Variants in RAP1GAP observed in about 807,000 individuals in gnomAD.
RAP1GAP encodes the protein rap1 GTPase-activating protein 1.
RAP1GAP carries 35 observed loss-of-function variants against 87.2 expected under a neutral mutation model. That is an observed-to-expected ratio of 0.40 (90% CI 0.31 to 0.53). RAP1GAP has a LOEUF of 0.53. Among genes scored for constraint, RAP1GAP ranks in the 20% least tolerant of loss-of-function variants. RAP1GAP has a pLI of 0.48. For missense variants in RAP1GAP, 734 were observed against 898.9 expected, an observed-to-expected ratio of 0.82 and a Z score of 2.35; for synonymous variants, 375 against 363.9, an observed-to-expected ratio of 1.03 and a Z score of -0.35.
chr1:21,644,919 A>AAG (rs1553483995), intron 2 of RAP1GAP, among the ~76,000 whole-genome samples: 8 of 144,330 alleles, frequency 5.5e-5, no homozygotes, highest in African/African-American at 1.8e-4. Context: ...AAAAAAAAAA[A>AAG]AGAGAAAAGA....
Position 21,613,369 on chromosome 1 carries a change from GT to G in RAP1GAP, c.475-141del. The G allele has an allele frequency of 1.2e-6, 1 of 840,324 alleles. No individual in the cohort carries two copies. Among genetic ancestry groups the G allele is most frequent in the Non-Finnish European group, 2.0e-6 (1 of 503,390 alleles). The allele number at this position is 840,324 out of a possible 1,614,324, so 52.1% of individuals were successfully genotyped here. A position where few individuals can be genotyped will look rare whatever the true frequency, so the allele number is the denominator to read the frequency against. On this transcript the variant is annotated intron_variant, in intron 9 of 24. Transcript: ENST00000374765. This position sits in a 1 kb window ranked among gnomAD's most constrained non-coding sequence, Gnocchi z 4.7. ...GCTAAAGCAGGACTCGGGGTTCACT[GT>G]TGCTCAGGGAACGGAGGTCCCCTGA...
intron 1 of RAP1GAP, among the ~76,000 whole-genome samples, chr1:21,665,888 G>A (rs775615356): frequency 5.9e-5 from 9 of 152,192 alleles, no homozygotes; most frequent in South Asian, 2.1e-4. Context: ...GGCCCACACT[G>A]CCACCAGAGC....
Position 21,651,710 on chromosome 1 carries a change from G to A in RAP1GAP, c.-148-1914C>T, listed in dbSNP as rs1356684855. On this transcript the variant is annotated intron_variant, in intron 1 of 24. Transcript: ENST00000374765. Reference sequence around the variant, plus strand: ...GCCCAAACGCGAGCACACCCCGCACGGGCTCCCCCCCACGCGTGCACACGC... The same window carrying A: ...GCCCAAACGCGAGCACACCCCGCACAGGCTCCCCCCCACGCGTGCACACGC... 3 of 970,232 alleles carry A rather than the reference G, an allele frequency of 3.1e-6. No homozygotes were observed. The African/African-American group carries it at 5.1e-5, about 16-fold the overall frequency. The allele number at this position is 970,232 out of a possible 1,614,324, so 60.1% of individuals were successfully genotyped here.
intron 1 of RAP1GAP, among the ~76,000 whole-genome samples, chr1:21,658,451 TC>T (rs1401293130): frequency 2.0e-5 from 3 of 152,040 alleles, no homozygotes; most frequent in Admixed American, 6.6e-5. Context: ...GCCTGTAGTC[TC>T]AGCTACTCAG....
At chr1:21,618,045 TGGCCAGCCTCAG>T (rs2083470316) in intron 5 of RAP1GAP, 73 bp from the exon 6 acceptor site, 13 of 1,584,198 alleles carry the variant, frequency 8.2e-6, no homozygotes, top group Admixed American at 3.3e-5. Context: ...GGCCTCTGCT[TGGCCAGCCTCAG>T]GGCTGAGAGT....
At chr1:21,666,528 G>C (rs2097355013) in intron 1 of RAP1GAP, among the ~76,000 whole-genome samples, 1 of 152,152 alleles carries the variant, frequency 6.6e-6, no homozygotes, top group Non-Finnish European at 1.5e-5. Context: ...GGAGAGGAGG[G>C]TCCACTGAGT....
chr1:21,664,250 C>T (rs1017948119), intron 1 of RAP1GAP, among the ~76,000 whole-genome samples: 133 of 152,288 alleles, frequency 8.7e-4, no homozygotes, highest in African/African-American at 3.0e-3. Context: ...CCTTTGCACA[C>T]TGGGAGAAAA....
intron 17 of RAP1GAP, among the ~76,000 whole-genome samples, chr1:21,607,092 C>T (rs142194486): frequency 6.6e-6 from 1 of 152,174 alleles, no homozygotes; most frequent in Admixed American, 6.5e-5. Context: ...GTGACCTGTC[C>T]TGGGTTGAGG....
intron 20 of RAP1GAP, among the ~76,000 whole-genome samples, chr1:21,600,758 A>G (rs1681260): frequency 6.6e-6 from 1 of 151,656 alleles, no homozygotes; most frequent in East Asian, 2.0e-4. Flanking sequence ...GGTGGCGGGC[A>G]CCTGTAGTCC....
At chr1:21,612,226 C>T (rs2078854367) in intron 10 of RAP1GAP, 117 bp from the exon 11 acceptor site, 1 of 797,504 alleles carries the variant, frequency 1.3e-6, no homozygotes, top group Non-Finnish European at 2.1e-6. Context: ...ATGTGATTCT[C>T]AGAACAAGCC....
chr1:21,633,030 T>TGA (rs1047653966), intron 2 of RAP1GAP, among the ~76,000 whole-genome samples: 16 of 152,166 alleles, frequency 1.1e-4, no homozygotes, highest in African/African-American at 3.9e-4. Context: ...GGAGGGGTGG[T>TGA]GAGAGGGTCC....
intron 7 of RAP1GAP, among the ~76,000 whole-genome samples, chr1:21,616,136 AACACACACACACACACACACACACACAC>A (rs58644324): frequency 2.4e-5 from 3 of 126,792 alleles, no homozygotes; most frequent in South Asian, 2.6e-4. Flanking sequence ...CCCTCTTCCC[AACACACACACACACACACACACACACAC>A]ACACACACAC....
chr1:21,598,700 G>A (rs998199706), intron 21 of RAP1GAP, among the ~76,000 whole-genome samples, 198 bp from the exon 22 acceptor site: 1 of 152,258 alleles, frequency 6.6e-6, no homozygotes, highest in Non-Finnish European at 1.5e-5. Context: ...CCAGGCACAC[G>A]CCACCCACTG....
At chr1:21,604,290 C>T (rs536380875) in intron 18 of RAP1GAP, among the ~76,000 whole-genome samples, 2 of 150,510 alleles carry the variant, frequency 1.3e-5, no homozygotes, top group East Asian at 2.0e-4. Context: ...AGGGGAAGGC[C>T]GAAAGGAAAA....
intron 11 of RAP1GAP, 85 bp from the exon 12 acceptor site, chr1:21,611,901 G>A (rs749689864): frequency 3.2e-5 from 48 of 1,504,348 alleles, no homozygotes; most frequent in Admixed American, 2.7e-4. Flanking sequence ...GAGAGGGCCG[G>A]AGGGAGGACC....
Position 21,617,331 on chromosome 1 carries a change from A to T in RAP1GAP, c.266T>A (p.Ile89Asn). The change falls in exon 7 of 25, where the codon ATC becomes AAC. Residue 89 changes from isoleucine (I) to asparagine (N), a missense_variant. Ile to Asn is a moderately radical substitution (Grantham distance 149, BLOSUM62 -3). This residue lies in a region of RAP1GAP where 485 missense variants were observed against 646.2 expected (regional missense o/e 0.75). Transcript: ENST00000374765. ...CTTGCCGAGAAAGTGCTTCCGGTAG[A>T]TGCGGGCTGTGGGGTTGCACTCGAG... The part of the protein sequence containing the change: ...VKLECNPTAR[I>N]YRKHFLGKEH... The T allele has an allele frequency of 6.3e-7, 1 of 1,588,500 alleles. No individual in the cohort carries two copies. The highest frequency in any genetic ancestry group is 8.6e-7 in the Non-Finnish European group (1 of 1,167,054).
At chr1:21,666,076 C>A (rs1237163586) in intron 1 of RAP1GAP, among the ~76,000 whole-genome samples, 1 of 152,228 alleles carries the variant, frequency 6.6e-6, no homozygotes, top group Non-Finnish European at 1.5e-5. Context: ...AATCAGCACT[C>A]TGGCAGGCTT....
At chr1:21,638,797 T>G (rs1250055381) in intron 2 of RAP1GAP, among the ~76,000 whole-genome samples, 1 of 152,178 alleles carries the variant, frequency 6.6e-6, no homozygotes, top group Non-Finnish European at 1.5e-5. Flanking sequence ...CCTGACTGCT[T>G]TACCCTTTTC....
intron 2 of RAP1GAP, among the ~76,000 whole-genome samples, chr1:21,649,367 AG>A (rs545996554): frequency 1.1e-3 from 164 of 152,258 alleles, no homozygotes; most frequent in African/African-American, 3.6e-3. Flanking sequence ...GAAATAGAGA[AG>A]AAAAAAAAGG....
Sources: gnomAD v4.1 joint callset for allele counts (sites outside exome capture counted in the v4.1 genomes callset) on GRCh38, gnomAD v4.1.1 for gene constraint, gnomAD v4.1.1 regional missense constraint, Gnocchi (gnomAD v3.1) non-coding constraint, MANE v1.5 for transcripts, NCBI Gene and HGNC (gene_info 2026-07-23, HGNC 2026-07-21) for gene names.